AKR1A1: variants seen among roughly 807,000 people sequenced by gnomAD.
The protein encoded by AKR1A1 is HEL-S-165mP.
In AKR1A1, 26 loss-of-function variants were observed where a neutral mutation model predicts 39.2. The ratio of observed to expected loss-of-function variants is 0.66; its 90% CI spans 0.49 to 0.92. The LOEUF (loss-of-function observed/expected upper bound fraction) is 0.92, where lower values mean the gene tolerates loss of function less well. AKR1A1 is among the 40% of genes least tolerant of loss of function. AKR1A1 has a pLI of 0.00. For missense variants in AKR1A1, 378 were observed against 406.5 expected (o/e 0.93, Z 0.60); for synonymous variants, 141 against 155.5 (o/e 0.91, Z 0.69).
intron 4 of AKR1A1, 98 bp downstream of exon 4, chr1:45,567,118 A>C (rs1644354451): frequency 6.8e-7 from 1 of 1,477,260 alleles, no homozygotes; most frequent in African/African-American, 1.4e-5. Flanking sequence ...GGATAGGAAC[A>C]CTCATTTGCA....
chr1:45,560,438 A>G (rs1233095840), intron 1 of AKR1A1, among the ~76,000 whole-genome samples: 1 of 152,136 alleles, frequency 6.6e-6, no homozygotes, highest in Non-Finnish European at 1.5e-5. Context: ...CCTAGCCAGA[A>G]CCATCTCTAA....
intron 1 of AKR1A1, among the ~76,000 whole-genome samples, chr1:45,558,782 G>A (rs3014219): frequency 0.5 from 75,454 of 152,046 alleles, 18,884 homozygotes; most frequent in East Asian, 0.61. Flanking sequence ...CCGTCGCATC[G>A]GCCTTCCAGA....
intron 2 of AKR1A1, among the ~76,000 whole-genome samples, chr1:45,562,932 C>A (rs984790859): frequency 6.6e-6 from 1 of 151,730 alleles, no homozygotes; most frequent in Non-Finnish European, 1.5e-5. Context: ...CCAGACTGGG[C>A]AACACAGTGA....
At chr1:45,567,859 T>A (rs1557636926) in intron 4 of AKR1A1, 123 bp from the exon 5 acceptor site, 1 of 920,480 alleles carries the variant, frequency 1.1e-6, no homozygotes, top group Non-Finnish European at 1.6e-6. Flanking sequence ...CATGGCTTTT[T>A]AAAAATTCTT....
chr1:45,551,099 G>C lies in AKR1A1; in HGVS notation c.-63G>C, dbSNP rs1644124722. The C allele has an allele frequency of 6.6e-6, 1 of 152,250 alleles. No homozygotes were observed. The highest frequency in any genetic ancestry group is 2.4e-5 in the African/African-American group (1 of 41,434). 9.4% of individuals were successfully genotyped at this position (152,250 alleles called of 1,614,324 possible). A position where few individuals can be genotyped will look rare whatever the true frequency, so the allele number is the denominator to read the frequency against. ...CTGAGGATCGTTGGATCTCTGGCGG[G>C]GTGCAGAACTGAGCCCAGGCCACAG... On this transcript the variant is annotated 5_prime_UTR_variant, in exon 1 of 9. Transcript: ENST00000351829.
chr1:45,567,842 G>T, intron 4 of AKR1A1, 140 bp from the exon 5 acceptor site: 504 of 614,692 alleles, frequency 8.2e-4, no homozygotes, highest in Non-Finnish European at 1.2e-3. Flanking sequence ...AAAAAAAAAA[G>T]AAAAAGCATG....
chr1:45,555,675 A>G (rs751681875), intron 1 of AKR1A1, among the ~76,000 whole-genome samples: 3 of 152,162 alleles, frequency 2.0e-5, no homozygotes, highest in African/African-American at 2.4e-5. Flanking sequence ...TCCTGGAACC[A>G]ATCTCCTGTG....
rs565690497 is a variant in AKR1A1 at position 45,564,191 on chromosome 1, T to TC, written c.84+2316dup. The stretch of plus-strand genomic sequence containing the variant: ...GCTGCCAAGGAGCCTGGAGCCAGGG[T>TC]CCCTGTGCTTTAGGCAGGCACTTCT... On this transcript the variant is annotated intron_variant, in intron 2 of 8. Coordinates refer to ENST00000351829, the MANE Select transcript of AKR1A1 (RefSeq NM_153326.3). Among the ~76,000 whole-genome samples the TC allele has an allele frequency of 2.3e-3, 354 of 152,256 alleles. 2 individuals carry two copies. Among genetic ancestry groups the TC allele is most frequent in the Non-Finnish European group, 3.9e-3 (264 of 68,022 alleles).
intron 4 of AKR1A1, chr1:45,567,231 A>G (rs1644355360): frequency 8.0e-6 from 5 of 628,704 alleles, no homozygotes; most frequent in East Asian, 2.9e-5. Context: ...GCAGTCTCAC[A>G]TGGTGTGTAC....
At position 45,560,468 on chromosome 1, in the gene AKR1A1, G is replaced by C. The variant is rs182209921; in HGVS notation, c.-6-1321G>C. ...CTCTAAAAAAGTTTAAAAACATCCA[G>C]GTGTGCTGGCACAGGCCTGTAGTCC... On this transcript the variant is annotated intron_variant, in intron 1 of 8. Transcript: ENST00000351829. Among the ~76,000 whole-genome samples, 5 of 152,248 alleles carry C rather than the reference G, an allele frequency of 3.3e-5. 1 individual carries two copies. Among genetic ancestry groups the C allele is most frequent in the Admixed American group, 2.6e-4 (4 of 15,286 alleles).
chr1:45,555,501 T>A (rs975882213), intron 1 of AKR1A1, among the ~76,000 whole-genome samples: 5 of 151,788 alleles, frequency 3.3e-5, no homozygotes, highest in African/African-American at 9.7e-5. Flanking sequence ...AAAAAAAAAA[T>A]TATAACACCT....
At chr1:45,564,779 T>C (rs1262201767) in intron 2 of AKR1A1, among the ~76,000 whole-genome samples, 1 of 151,608 alleles carries the variant, frequency 6.6e-6, no homozygotes, top group Non-Finnish European at 1.5e-5. Context: ...AAAAAAAAAA[T>C]TATTTATTTT....
intron 2 of AKR1A1, among the ~76,000 whole-genome samples, chr1:45,565,041 C>CTCGA (rs770468623): frequency 1.0e-3 from 156 of 150,810 alleles, no homozygotes; most frequent in Non-Finnish European, 2.0e-3. Flanking sequence ...CCAGGATGGT[C>CTCGA]TCGATCTCCT....
intron 1 of AKR1A1, among the ~76,000 whole-genome samples, chr1:45,557,700 G>A (rs1198447451): frequency 6.6e-6 from 1 of 152,152 alleles, no homozygotes; most frequent in Non-Finnish European, 1.5e-5. Context: ...CTCTTGTCAA[G>A]TCCAGACTTG....
rs1183890446 is a variant in AKR1A1 at position 45,561,884 on chromosome 1, G to T, written c.84+6G>T. 2 of 1,613,920 alleles carry T rather than the reference G, an allele frequency of 1.2e-6. No homozygotes were observed. Among genetic ancestry groups the T allele is most frequent in the East Asian group, 4.5e-5 (2 of 44,880 alleles). On this transcript the variant is annotated splice_donor_region_variant and intron_variant, in intron 2 of 8. Coordinates refer to ENST00000351829, the MANE Select transcript of AKR1A1 (RefSeq NM_153326.3). ...GGAAGAGTGAGCCTGGTCAGGTGAGGGATGGGGGAAGAAAAAAGAAACTTG... is the reference window on the plus strand; with the variant it reads ...GGAAGAGTGAGCCTGGTCAGGTGAGTGATGGGGGAAGAAAAAAGAAACTTG...
rs958769415 is a variant in AKR1A1 at position 45,569,995 on chromosome 1, A to G, written c.*39A>G. The G allele has an allele frequency of 7.6e-6, 12 of 1,576,132 alleles. No homozygotes were observed. The highest frequency in any genetic ancestry group is 5.0e-5 in the Admixed American group (3 of 59,936). On this transcript the variant is annotated 3_prime_UTR_variant, in exon 9 of 9. Coordinates refer to ENST00000351829, the MANE Select transcript of AKR1A1 (RefSeq NM_153326.3). ...TGGCCTCCCTTCCAGCTCTGCAGCT[A>G]ATGAGGTCCTGCCACAACGGAAAGA...
At chr1:45,567,101 C>T (rs1164592186) in intron 4 of AKR1A1, 81 bp downstream of exon 4, 9 of 1,547,838 alleles carry the variant, frequency 5.8e-6, no homozygotes, top group African/African-American at 2.7e-5. Context: ...GTCACAGCAG[C>T]AGAGCAGGAT....
At chr1:45,557,937 C>T (rs1177935759) in intron 1 of AKR1A1, among the ~76,000 whole-genome samples, 1 of 36,992 alleles carries the variant, frequency 2.7e-5, no homozygotes, top group East Asian at 1.3e-3. Flanking sequence ...TGAGATGGAG[C>T]CTCACTCTGT....
At chr1:45,557,927 T>TTTTTTTTTTTTTG (rs1644227267) in intron 1 of AKR1A1, among the ~76,000 whole-genome samples, 1 of 148,252 alleles carries the variant, frequency 6.7e-6, no homozygotes, top group Admixed American at 6.8e-5. Flanking sequence ...TTTTTTTTTT[T>TTTTTTTTTTTTTG]GAGATGGAGC....
Sources: gnomAD v4.1 joint callset for allele counts (sites outside exome capture counted in the v4.1 genomes callset) on GRCh38, gnomAD v4.1.1 for gene constraint, MANE v1.5 for transcripts, NCBI Gene and HGNC (gene_info 2026-07-23, HGNC 2026-07-21) for gene names.